RERE: variants seen among roughly 807,000 people sequenced by gnomAD.
RERE encodes arginine-glutamic acid dipeptide repeats protein.
A neutral mutation model predicts 146.1 loss-of-function variants in RERE; 40 were observed. That is an observed-to-expected ratio of 0.27 (90% CI 0.21 to 0.36). The LOEUF (loss-of-function observed/expected upper bound fraction) is 0.36. Ranked by LOEUF, RERE falls within the 10% of genes least tolerant of loss-of-function variation. The probability of loss-of-function intolerance (pLI) is 1.00; values close to 1 mark genes in which losing one functional copy is unlikely to be tolerated. For synonymous variants in RERE, 1,003 were observed against 866.0 expected (o/e 1.16, Z -2.78); for missense variants, 1,933 against 2,138.7 (o/e 0.90, Z 1.90).
chr1:8,617,118 G>A (rs1240293202), intron 3 of RERE, among the ~76,000 whole-genome samples: 1 of 152,026 alleles, frequency 6.6e-6, no homozygotes, highest in African/African-American at 2.4e-5. Flanking sequence ...GCCGAGGCGG[G>A]CGGATCACAA....
intron 1 of RERE, among the ~76,000 whole-genome samples, chr1:8,673,113 T>G (rs1273693928): frequency 2.0e-5 from 3 of 152,300 alleles, no homozygotes; most frequent in African/African-American, 7.2e-5. Flanking sequence ...ATTTATTTAT[T>G]TTGAGACAGA....
At position 8,361,151 on chromosome 1, in the gene RERE, T is replaced by C. The variant is rs938535181; in HGVS notation, c.2356A>G (p.Asn786Asp). 3.5e-6 allele frequency: 5 copies of C among 1,446,132 alleles called. No individual in the cohort carries two copies. The highest frequency in any genetic ancestry group is 1.4e-5 in the African/African-American group (1 of 69,518). 89.6% of individuals were successfully genotyped at this position (1,446,132 alleles called of 1,614,324 possible). A position where few individuals can be genotyped will look rare whatever the true frequency, so the allele number is the denominator to read the frequency against. Residue 786 changes from asparagine (N) to aspartate (D), a missense_variant, in exon 18 of 23, where the codon AAC becomes GAC. Physicochemically the swap from Asn to Asp is conservative, Grantham distance 23 (BLOSUM62 1). Around this residue, in one of 11 missense-constraint regions of RERE, gnomAD observed 1,255 missense variants for 1,153.8 expected, o/e 1.09. Coordinates refer to ENST00000400908, the MANE Select transcript of RERE (RefSeq NM_001042681.2). ...QGSPTASQAP[N>D]QPQAPTAPVP... is the part of the protein sequence containing the mutation. Reference sequence around the variant, plus strand: ...GGCGCTGTGGGAGCCTGTGGCTGGTTAGGGGCCTGGGAGGCCGTGGGGGAG... The same window carrying C: ...GGCGCTGTGGGAGCCTGTGGCTGGTCAGGGGCCTGGGAGGCCGTGGGGGAG...
chr1:8,728,897 T>C (rs1465201864), intron 1 of RERE, among the ~76,000 whole-genome samples: 1 of 152,200 alleles, frequency 6.6e-6, no homozygotes, highest in Non-Finnish European at 1.5e-5. Context: ...CCAGGCGCAG[T>C]GGCTCATGCC....
chr1:8,363,907 CAAGCTACCGCCTCGGGCA>C (rs1641694316), intron 15 of RERE, 131 bp downstream of exon 15: 1 of 711,470 alleles, frequency 1.4e-6, no homozygotes, highest in African/African-American at 1.8e-5. Flanking sequence ...AGCCCACAGG[CAAGCTACCGCCTCGGGCA>C]AAGCAGCTCC....
At chr1:8,409,773 T>C (rs974555331) in intron 12 of RERE, among the ~76,000 whole-genome samples, 1 of 152,158 alleles carries the variant, frequency 6.6e-6, no homozygotes, top group South Asian at 2.1e-4. Flanking sequence ...GTGCTAAGAT[T>C]ATCAGCATGG....
intron 8 of RERE, among the ~76,000 whole-genome samples, chr1:8,500,589 G>A (rs1372264141): frequency 6.6e-6 from 1 of 152,196 alleles, no homozygotes; most frequent in Non-Finnish European, 1.5e-5. Context: ...GCCTGCCTTG[G>A]CCCCCCAAAG....
At chr1:8,439,791 A>T (rs545998215) in intron 11 of RERE, among the ~76,000 whole-genome samples, 5 of 152,324 alleles carry the variant, frequency 3.3e-5, no homozygotes, top group African/African-American at 4.8e-5. Flanking sequence ...CTATGGTGTG[A>T]GCTGGGCACA....
At position 8,516,917 on chromosome 1, in the gene RERE, T is replaced by C. The variant is rs533853519; in HGVS notation, c.831-8242A>G. 5.3e-5 allele frequency among the ~76,000 whole-genome samples: 8 copies of C among 152,196 alleles called. No homozygotes were observed. The East Asian group carries it at 1.4e-3, about 26-fold the overall frequency. On this transcript the variant is annotated intron_variant, in intron 7 of 22. Coordinates refer to ENST00000400908, the MANE Select transcript of RERE (RefSeq NM_001042681.2). ...ACAAAATTACAGAAATGGAGACACATTCGTGATTGCCAGGTGTTAGAGATG... is the reference window on the plus strand; with the variant it reads ...ACAAAATTACAGAAATGGAGACACACTCGTGATTGCCAGGTGTTAGAGATG...
chr1:8,718,330 C>T (rs760348132), intron 1 of RERE, among the ~76,000 whole-genome samples: 2 of 152,092 alleles, frequency 1.3e-5, no homozygotes, highest in Non-Finnish European at 2.9e-5. Context: ...TTTGCCTTTC[C>T]TCCTATTAGT....
chr1:8,376,196 G>A (rs552576554), intron 12 of RERE, among the ~76,000 whole-genome samples: 2 of 152,226 alleles, frequency 1.3e-5, no homozygotes, highest in East Asian at 3.9e-4. Context: ...GGCAAATTTG[G>A]GCTATCTTTG....
Position 8,355,504 on chromosome 1 carries a change from G to A in RERE, c.4582C>T (p.Gln1528Ter). ...QAMHAQSAEL[Q>*]RLAMEQQWLH... ...CACTGCTGCTCCATGGCCAGTCTCT[G>A]CAGCTCGGCCGACTGGGCATGCATG... Residue 1528 changes from glutamine to a stop codon, truncating the protein, a stop_gained, in exon 22 of 23, where the codon CAG (glutamine) becomes TAG (stop). Transcript: ENST00000400908. LOFTEE classifies it high-confidence loss of function. 6.2e-7 allele frequency: 1 copy of A among 1,612,478 alleles called. No homozygotes were observed. The highest frequency in any genetic ancestry group is 8.5e-7 in the Non-Finnish European group (1 of 1,179,784).
intron 1 of RERE, among the ~76,000 whole-genome samples, chr1:8,785,166 A>G (rs759436085): frequency 3.9e-5 from 6 of 152,268 alleles, no homozygotes; most frequent in Non-Finnish European, 8.8e-5. Flanking sequence ...GAGAAACCAT[A>G]GAAGAGATGT....
intron 1 of RERE, among the ~76,000 whole-genome samples, chr1:8,664,225 C>T (rs970426007): frequency 6.6e-6 from 1 of 152,146 alleles, no homozygotes; most frequent in African/African-American, 2.4e-5. Flanking sequence ...GGGCTGGCCA[C>T]ACACCCTCCT....
chr1:8,384,876 T>A (rs1339097663), intron 12 of RERE, among the ~76,000 whole-genome samples: 1 of 152,208 alleles, frequency 6.6e-6, no homozygotes, highest in Non-Finnish European at 1.5e-5. Flanking sequence ...CAGCTGGCCA[T>A]CAACATGCCA....
At chr1:8,758,369 C>T (rs970957800) in intron 1 of RERE, among the ~76,000 whole-genome samples, 7 of 151,144 alleles carry the variant, frequency 4.6e-5, no homozygotes, top group Non-Finnish European at 8.8e-5. Context: ...GTGTGAGCCA[C>T]CGTGCCTGGC....
chr1:8,523,181 T>C (rs1458882771), intron 7 of RERE, among the ~76,000 whole-genome samples: 1 of 152,078 alleles, frequency 6.6e-6, no homozygotes, highest in Non-Finnish European at 1.5e-5. Flanking sequence ...GGTGACAGCG[T>C]GAGAACCTAT....
At chr1:8,612,904 T>C (rs1646809573) in intron 4 of RERE, among the ~76,000 whole-genome samples, 1 of 152,256 alleles carries the variant, frequency 6.6e-6, no homozygotes, top group South Asian at 2.1e-4. Context: ...CACTGGGTTC[T>C]GTCTTCCACT....
At chr1:8,743,871 G>A (rs1265690533) in intron 1 of RERE, among the ~76,000 whole-genome samples, 1 of 151,974 alleles carries the variant, frequency 6.6e-6, no homozygotes, top group Admixed American at 6.6e-5. Context: ...TTTCTCCAGA[G>A]CACTTTTCAC....
intron 7 of RERE, among the ~76,000 whole-genome samples, chr1:8,515,643 C>CA (rs560434505): frequency 2.0e-5 from 3 of 148,404 alleles, no homozygotes; most frequent in South Asian, 2.1e-4. Flanking sequence ...AACAAACAAA[C>CA]AACAACAACA....
Sources: gnomAD v4.1 joint callset for allele counts (sites outside exome capture counted in the v4.1 genomes callset) on GRCh38, gnomAD v4.1.1 for gene constraint, gnomAD v4.1.1 regional missense constraint, MANE v1.5 for transcripts, NCBI Gene and HGNC (gene_info 2026-07-23, HGNC 2026-07-21) for gene names.